DNAAF6: variants seen among roughly 807,000 people sequenced by gnomAD.
DNAAF6 encodes the protein dynein axonemal assembly factor 6.
A neutral mutation model predicts 13.7 loss-of-function variants in DNAAF6; 3 were observed. That is an observed-to-expected ratio of 0.22 (90% CI 0.10 to 0.56). DNAAF6 has a LOEUF of 0.56. Among genes scored for constraint, DNAAF6 ranks in the 20% least tolerant of loss-of-function variants. The pLI is 0.92. For synonymous variants in DNAAF6, 54 were observed against 49.2 expected, an observed-to-expected ratio of 1.10 and a Z score of -0.41; for missense variants, 130 against 151.0, an observed-to-expected ratio of 0.86 and a Z score of 0.73.
At chrX:107,208,454 C>T (rs1927770168) in intron 1 of DNAAF6, among the ~76,000 whole-genome samples, 1 of 110,708 alleles carries the variant, frequency 9.0e-6, no homozygotes, top group South Asian at 3.9e-4. Context: ...CAAAAAAACC[C>T]CTCCATTTTC....
chrX:107,235,114 CT>C (rs1041342746), intron 5 of DNAAF6, among the ~76,000 whole-genome samples: 2 of 112,244 alleles, frequency 1.8e-5, no homozygotes, highest in African/African-American at 6.5e-5. Flanking sequence ...CTTTACCTCT[CT>C]TGAGGGAAGC....
In DNAAF6 at chrX:107,243,852, T is replaced by C. The variant is rs1928675113; in HGVS notation, c.*554T>C. On this transcript the variant is annotated 3_prime_UTR_variant, in exon 7 of 7. Coordinates refer to ENST00000372453, the MANE Select transcript of DNAAF6 (RefSeq NM_173494.2). ...CTTCAGTAGTCTGAAAAACTTATGCTAATTATTTACATTTACACTGTGATA... is the reference window on the plus strand; with the variant it reads ...CTTCAGTAGTCTGAAAAACTTATGCCAATTATTTACATTTACACTGTGATA... 1 of 112,800 alleles carries C rather than the reference T, an allele frequency of 8.9e-6. No homozygotes were observed. Among genetic ancestry groups the C allele is most frequent in the Non-Finnish European group, 1.9e-5 (1 of 53,360 alleles). The allele number at this position is 112,800 out of a possible 1,213,427, so 9.3% of individuals were successfully genotyped here. A position where few individuals can be genotyped will look rare whatever the true frequency, so the allele number is the denominator to read the frequency against.
In DNAAF6 at chrX:107,222,850, C is replaced by G. The variant is rs1412564491; in HGVS notation, c.429+9C>G. 3 of 1,190,418 alleles carry G rather than the reference C, an allele frequency of 2.5e-6. No individual in the cohort carries two copies. In the Admixed American group the frequency reaches 7.0e-5, roughly 28 times the overall value. On this transcript the variant is annotated intron_variant, in intron 5 of 6. Transcript: ENST00000372453. ...GTTGCAGTGAACTAGTGGTAAGCCT[C>G]TCCTCCCCTTCTTCATTTTCTATAC...
intron 4 of DNAAF6, among the ~76,000 whole-genome samples, chrX:107,219,573 C>A (rs1347235294): frequency 9.0e-6 from 1 of 111,439 alleles, no homozygotes; most frequent in Non-Finnish European, 1.9e-5. Flanking sequence ...AGCACTCATA[C>A]TTTTAAGAAC....
chrX:107,229,833 G>GC (rs1001276706), intron 5 of DNAAF6, among the ~76,000 whole-genome samples: 3 of 109,883 alleles, frequency 2.7e-5, no homozygotes, highest in African/African-American at 6.6e-5. Flanking sequence ...GACTACAGGC[G>GC]CCCCCCACCA....
At chrX:107,230,286 C>T (rs183179894) in intron 5 of DNAAF6, among the ~76,000 whole-genome samples, 8 of 111,932 alleles carry the variant, frequency 7.1e-5, no homozygotes, top group African/African-American at 2.6e-4. Context: ...CGATCATCAT[C>T]TCTATCTGGA....
At chrX:107,238,510 G>C (rs1354551254) in intron 5 of DNAAF6, among the ~76,000 whole-genome samples, 1 of 111,642 alleles carries the variant, frequency 9.0e-6, no homozygotes, top group Non-Finnish European at 1.9e-5. Context: ...CTATTAGATG[G>C]CATCACCAAC....
chrX:107,221,415 G>T (rs1170529108), intron 4 of DNAAF6, among the ~76,000 whole-genome samples: 1 of 109,514 alleles, frequency 9.1e-6, no homozygotes, highest in Admixed American at 9.8e-5. Context: ...CTTTATTTTT[G>T]TGAAGACTGC....
intron 5 of DNAAF6, 51 bp downstream of exon 5, chrX:107,222,892 TTGAC>T (rs773857701): frequency 7.4e-5 from 86 of 1,159,288 alleles, no homozygotes; most frequent in East Asian, 9.2e-5. Flanking sequence ...TGTAGCTAAA[TTGAC>T]TGACTATTAT....
chrX:107,214,265 G>A (rs1191746041), intron 2 of DNAAF6, among the ~76,000 whole-genome samples: 1 of 111,936 alleles, frequency 8.9e-6, no homozygotes, highest in East Asian at 2.8e-4. Flanking sequence ...AAGTTGGGAA[G>A]GCAAGCTCAT....
chrX:107,235,175 G>A (rs781704959), intron 5 of DNAAF6, among the ~76,000 whole-genome samples: 3 of 111,980 alleles, frequency 2.7e-5, no homozygotes, highest in Non-Finnish European at 5.6e-5. Context: ...CTACTTGCCT[G>A]AAGAGAAGCT....
intron 3 of DNAAF6, among the ~76,000 whole-genome samples, chrX:107,217,292 G>A (rs1458418375): frequency 1.8e-5 from 2 of 111,565 alleles, no homozygotes; most frequent in South Asian, 7.4e-4. Context: ...TTACCAAGAT[G>A]CTTAGCTTCT....
At chrX:107,222,651 C>T in intron 4 of DNAAF6, 94 bp from the exon 5 acceptor site, 1 of 1,040,046 alleles carries the variant, frequency 9.6e-7, no homozygotes, top group Non-Finnish European at 1.3e-6. Context: ...TTTATTTTAC[C>T]TAATAGCATA....
At chrX:107,208,981 A>G (rs2147824671) in intron 1 of DNAAF6, among the ~76,000 whole-genome samples, 1 of 112,418 alleles carries the variant, frequency 8.9e-6, no homozygotes, top group Non-Finnish European at 1.9e-5. Context: ...TCCCATAGTT[A>G]CTTATGAGTT....
chrX:107,226,273 G>A (rs982303570), intron 5 of DNAAF6, among the ~76,000 whole-genome samples: 10 of 111,819 alleles, frequency 8.9e-5, no homozygotes, highest in Non-Finnish European at 1.7e-4. Context: ...TAAACCCCAC[G>A]AGTGGAAGGC....
intron 1 of DNAAF6, among the ~76,000 whole-genome samples, chrX:107,211,954 G>GT (rs1195419415): frequency 4.5e-5 from 5 of 111,890 alleles, no homozygotes; most frequent in Non-Finnish European, 7.5e-5. Flanking sequence ...ATTTACATCA[G>GT]TGTATAACCT....
intron 5 of DNAAF6, among the ~76,000 whole-genome samples, chrX:107,233,202 G>A (rs184956248): frequency 4.4e-4 from 49 of 112,029 alleles, no homozygotes; most frequent in African/African-American, 1.5e-3. Context: ...AGGTGGTATC[G>A]TGTAAGAACA....
chrX:107,212,485 A>G, intron 1 of DNAAF6, among the ~76,000 whole-genome samples: 1 of 111,680 alleles, frequency 9.0e-6, no homozygotes, highest in Non-Finnish European at 1.9e-5. Context: ...TCATGTCTAA[A>G]AAATATGTTC....
intron 1 of DNAAF6, among the ~76,000 whole-genome samples, chrX:107,211,620 G>A (rs992346815): frequency 1.6e-4 from 18 of 111,975 alleles, no homozygotes; most frequent in African/African-American, 5.5e-4. Context: ...CATCCCCTTC[G>A]AAGTAGTCAC....
Sources: gnomAD v4.1 joint callset for allele counts (sites outside exome capture counted in the v4.1 genomes callset) on GRCh38, gnomAD v4.1.1 for gene constraint, MANE v1.5 for transcripts, NCBI Gene and HGNC (gene_info 2026-07-23, HGNC 2026-07-21) for gene names.